The following MACROD2 variants were observed in gnomAD, a reference collection of about 807,000 sequenced individuals.
MACROD2 encodes the protein ADP-ribose glycohydrolase MACROD2.
A neutral mutation model predicts 70.4 loss-of-function variants in MACROD2; 36 were observed. That is an observed-to-expected ratio of 0.51 (90% CI 0.39 to 0.68). The LOEUF is 0.68. Among genes scored for constraint, MACROD2 ranks in the 30% least tolerant of loss-of-function variants. MACROD2 has a pLI of 0.00. For synonymous variants in MACROD2, 172 were observed against 178.8 expected, an observed-to-expected ratio of 0.96 and a Z score of 0.30; for missense variants, 496 against 538.4, an observed-to-expected ratio of 0.92 and a Z score of 0.78.
chr20:14,679,629 C>T (rs1177967133), intron 4 of MACROD2, among the ~76,000 whole-genome samples: 1 of 152,118 alleles, frequency 6.6e-6, no homozygotes, highest in East Asian at 1.9e-4. Flanking sequence ...ATTTTAAACT[C>T]TTATATTGAG....
chr20:15,620,042 C>T (rs953657172), intron 8 of MACROD2, among the ~76,000 whole-genome samples: 1 of 151,988 alleles, frequency 6.6e-6, no homozygotes, highest in African/African-American at 2.4e-5. Flanking sequence ...AGGAGACTGC[C>T]GTTGTGATCT....
chr20:14,263,467 G>T (rs6110219), intron 3 of MACROD2, among the ~76,000 whole-genome samples: 3,097 of 152,180 alleles, frequency 0.02, 94 homozygotes, highest in African/African-American at 0.072. Flanking sequence ...GGGTAGGGGA[G>T]AGGAATGTCC....
At chr20:15,758,492 A>G (rs1054703867) in intron 8 of MACROD2, among the ~76,000 whole-genome samples, 2 of 150,724 alleles carry the variant, frequency 1.3e-5, no homozygotes, top group East Asian at 3.9e-4. Flanking sequence ...CGACTGCCTC[A>G]GCCTCCCAAA....
rs574125258 is a variant in MACROD2 at position 14,915,619 on chromosome 20, C to G, written c.418+230660C>G. Among the ~76,000 whole-genome samples, 5 of 152,254 alleles carry G rather than the reference C, an allele frequency of 3.3e-5. No homozygotes were observed. In the South Asian group the frequency reaches 1.0e-3, roughly 32 times the overall value. On this transcript the variant is annotated intron_variant, in intron 5 of 17. Transcript: ENST00000684519. The stretch of plus-strand genomic sequence containing the variant: ...TCGGCGTCCGAGGAGCGGCTGTGCC[C>G]GACTGTGTGAGGCCGCCCAGTGCCA...
At chr20:14,000,804 T>C (rs2052724374) in intron 1 of MACROD2, among the ~76,000 whole-genome samples, 1 of 152,222 alleles carries the variant, frequency 6.6e-6, no homozygotes, top group Admixed American at 6.5e-5. Context: ...CAACTTTCAA[T>C]ATTAGTAGTC....
At chr20:15,502,853 GA>G (rs2047381615) in intron 8 of MACROD2, among the ~76,000 whole-genome samples, 1 of 152,194 alleles carries the variant, frequency 6.6e-6, no homozygotes, top group African/African-American at 2.4e-5. Context: ...TGAGTCAGCA[GA>G]GGGAACTGAC....
At chr20:14,907,406 G>A (rs193064307) in intron 5 of MACROD2, among the ~76,000 whole-genome samples, 135 of 152,274 alleles carry the variant, frequency 8.9e-4, no homozygotes, top group African/African-American at 3.1e-3. Context: ...TTTCCTGGAT[G>A]AAGCCAAGAA....
chr20:14,414,819 C>T (rs2083786200), intron 3 of MACROD2, among the ~76,000 whole-genome samples: 1 of 152,134 alleles, frequency 6.6e-6, no homozygotes, highest in East Asian at 1.9e-4. Flanking sequence ...CTTGCACCTC[C>T]TGGCCTCTGC....
intron 5 of MACROD2, among the ~76,000 whole-genome samples, chr20:15,046,768 C>G (rs1471355595): frequency 6.6e-6 from 1 of 152,168 alleles, no homozygotes; most frequent in Non-Finnish European, 1.5e-5. Flanking sequence ...TCCAGTTGGC[C>G]TCTCTGTCTA....
chr20:14,091,293 A>G (rs912785644), intron 3 of MACROD2, among the ~76,000 whole-genome samples: 1 of 152,048 alleles, frequency 6.6e-6, no homozygotes, highest in Non-Finnish European at 1.5e-5. Context: ...CAGAAATTGA[A>G]CTTACAGTAG....
intron 8 of MACROD2, among the ~76,000 whole-genome samples, chr20:15,500,245 G>A (rs1032723513): frequency 6.6e-6 from 1 of 152,150 alleles, no homozygotes; most frequent in African/African-American, 2.4e-5. Context: ...TGGTATCTGT[G>A]TTCTTTGGAT....
intron 8 of MACROD2, among the ~76,000 whole-genome samples, chr20:15,788,208 A>C (rs2147051383): frequency 6.6e-6 from 1 of 152,132 alleles, no homozygotes; most frequent in South Asian, 2.1e-4. Context: ...TTTACTAAAA[A>C]CCTTAGAAAA....
chr20:15,595,792 G>A (rs116423238), intron 8 of MACROD2, among the ~76,000 whole-genome samples: 1 of 152,180 alleles, frequency 6.6e-6, no homozygotes, highest in African/African-American at 2.4e-5. Context: ...TATCTGTGAT[G>A]TGTGTAAATG....
chr20:14,831,346 G>A (rs1225227951), intron 5 of MACROD2, among the ~76,000 whole-genome samples: 1 of 151,978 alleles, frequency 6.6e-6, no homozygotes, highest in East Asian at 1.9e-4. Flanking sequence ...ACTGTTTAGA[G>A]GCATAATCAC....
chr20:14,337,319 A>C (rs1568565903), intron 3 of MACROD2: 2 of 318,362 alleles, frequency 6.3e-6, no homozygotes, highest in Non-Finnish European at 1.1e-5. Flanking sequence ...TGGATTTCTC[A>C]TAGTATCAAG....
In MACROD2 at chr20:14,604,521, G is replaced by A. The variant is rs180858666; in HGVS notation, c.302-80322G>A. Among the ~76,000 whole-genome samples, 443 of 152,278 alleles carry A rather than the reference G, an allele frequency of 2.9e-3. 2 individuals carry two copies. Among genetic ancestry groups the A allele is most frequent in the Non-Finnish European group, 4.5e-3 (306 of 68,012 alleles). On this transcript the variant is annotated intron_variant, in intron 4 of 17. Transcript: ENST00000684519. ...TAGGATAGCATTGTGGCAGGTGGCTGCGTTTAGAAGGGCTTTCTGCATAAG... is the reference window on the plus strand; with the variant it reads ...TAGGATAGCATTGTGGCAGGTGGCTACGTTTAGAAGGGCTTTCTGCATAAG...
chr20:14,345,769 A>G (rs1489176333), intron 3 of MACROD2, among the ~76,000 whole-genome samples: 1 of 151,872 alleles, frequency 6.6e-6, no homozygotes, highest in African/African-American at 2.4e-5. Flanking sequence ...GTTGTTCATT[A>G]TTTAGAGTTG....
chr20:16,030,160 A>G (rs974291744), intron 15 of MACROD2, among the ~76,000 whole-genome samples: 1 of 152,208 alleles, frequency 6.6e-6, no homozygotes, highest in Admixed American at 6.5e-5. Context: ...CCCCAAAGAT[A>G]GTGCCCACTA....
At chr20:14,287,328 G>T (rs1009182559) in intron 3 of MACROD2, among the ~76,000 whole-genome samples, 1 of 152,220 alleles carries the variant, frequency 6.6e-6, no homozygotes, top group East Asian at 1.9e-4. Flanking sequence ...TTTGTTCCTT[G>T]CTACCAAGTT....
Sources: gnomAD v4.1 joint callset for allele counts (sites outside exome capture counted in the v4.1 genomes callset) on GRCh38, gnomAD v4.1.1 for gene constraint, MANE v1.5 for transcripts, NCBI Gene and HGNC (gene_info 2026-07-23, HGNC 2026-07-21) for gene names.